HHATL: variants seen among roughly 807,000 people sequenced by gnomAD.
The protein encoded by HHATL is protein-cysteine N-palmitoyltransferase HHAT-like protein.
Under a neutral mutation model 59.7 loss-of-function variants are expected in HHATL, and 49 were observed. That is an observed-to-expected ratio of 0.82 (90% confidence interval 0.65 to 1.04). HHATL has a LOEUF of 1.04. Ranked by LOEUF, HHATL falls within the 50% of genes least tolerant of loss-of-function variation. HHATL has a pLI of 0.00. For missense variants in HHATL, 605 were observed against 650.8 expected (o/e 0.93, Z 0.77); for synonymous variants, 238 against 257.3 (o/e 0.93, Z 0.72).
At position 42,693,127 on chromosome 3, in the gene HHATL, A is replaced by G. The variant is rs763778428; in HGVS notation, c.1340T>C (p.Leu447Pro). 18 of 1,614,212 alleles carry G rather than the reference A, an allele frequency of 1.1e-5. No individual in the cohort carries two copies. The highest frequency in any genetic ancestry group is 3.3e-5 in the Admixed American group (2 of 60,036). The change falls in exon 11 of 12, where the codon CTG (leucine) becomes CCG (proline). Residue 447 changes from leucine (L) to proline (P), a missense_variant. Transcript: ENST00000441594. ...CAGCTCTGTGAATTTGAGGCTGTTC[A>G]GGCTCACAAGGTTGTACATGATGAT... is the stretch of plus-strand genomic sequence containing the variant. ...WAIIMYNLVS[L>P]NSLKFTELVA...
intron 2 of HHATL, among the ~76,000 whole-genome samples, 161 bp from the exon 3 acceptor site, chr3:42,699,986 G>C (rs1697864656): frequency 6.6e-6 from 1 of 152,166 alleles, no homozygotes; most frequent in Non-Finnish European, 1.5e-5. Context: ...GGGTCTCGCT[G>C]TGTGTCTGGG....
At chr3:42,694,282 ATCACCCACATCCAAGCAAGCC>A (rs989802312) in intron 9 of HHATL, 8 of 169,878 alleles carry the variant, frequency 4.7e-5, no homozygotes, top group Admixed American at 4.5e-4. Context: ...AGTTTGCCTC[ATCACCCACATCCAAGCAAGCC>A]AGCAAATTCT....
chr3:42,694,762 C>T (rs1697531445), intron 9 of HHATL, among the ~76,000 whole-genome samples: 1 of 152,218 alleles, frequency 6.6e-6, no homozygotes, highest in African/African-American at 2.4e-5. Context: ...ATCTCCTTAT[C>T]ACTCAAATCT....
intron 2 of HHATL, 77 bp from the exon 3 acceptor site, chr3:42,699,902 C>T: frequency 7.9e-7 from 1 of 1,268,430 alleles, no homozygotes. Flanking sequence ...CAAGGCTGCC[C>T]CACCCTGGGG....
intron 2 of HHATL, 53 bp downstream of exon 2, chr3:42,700,668 G>A (rs1697925819): frequency 1.6e-6 from 2 of 1,253,706 alleles, no homozygotes; most frequent in Non-Finnish European, 2.3e-6. Flanking sequence ...GGAACCCTGA[G>A]GCCTCCAGGG....
intron 5 of HHATL, 40 bp from the exon 6 acceptor site, chr3:42,698,391 C>T (rs777269417): frequency 6.3e-7 from 1 of 1,576,460 alleles, no homozygotes; most frequent in Non-Finnish European, 8.7e-7. Flanking sequence ...CACTAGGGTG[C>T]CTCCTGTCTC....
chr3:42,700,704 C>T lies in HHATL; in HGVS notation c.106+17G>A, dbSNP rs371968430. On this transcript the variant is annotated intron_variant, in intron 2 of 11. Coordinates refer to ENST00000441594, the MANE Select transcript of HHATL (RefSeq NM_020707.4). Reference sequence around the variant, plus strand: ...GAAGAAGGGTCCTGTCCACCTGCCCCGGGGCACAGCCATTACCTTGTGAAG... The same window carrying T: ...GAAGAAGGGTCCTGTCCACCTGCCCTGGGGCACAGCCATTACCTTGTGAAG... 3.6e-5 allele frequency: 56 copies of T among 1,575,554 alleles called. 1 individual carries two copies. The highest frequency in any genetic ancestry group is 3.2e-4 in the African/African-American group (24 of 74,052).
In HHATL at chr3:42,696,909, A is replaced by T. The variant is rs764521854; in HGVS notation, c.1011-32T>A. 5 of 1,614,024 alleles carry T rather than the reference A, an allele frequency of 3.1e-6. No individual in the cohort carries two copies. In the African/African-American group the frequency reaches 6.7e-5, roughly 22 times the overall value. On this transcript the variant is annotated intron_variant, in intron 8 of 11. Transcript: ENST00000441594. ...GAGGAAAGCAGATGGGCATGTTGCCATCAGGCGCAGAGCTCCCCAGGCATG... is the reference window on the plus strand; with the variant it reads ...GAGGAAAGCAGATGGGCATGTTGCCTTCAGGCGCAGAGCTCCCCAGGCATG...
chr3:42,696,825 A>G lies in HHATL; in HGVS notation c.1046+17T>C, dbSNP rs373291114. ...TGGCAGGATGGCTGTGACCACCCCC[A>G]CCCCACTCCTACTCACTTGCAAAGC... On this transcript the variant is annotated intron_variant, in intron 9 of 11. Transcript: ENST00000441594. 285 of 1,612,436 alleles carry G rather than the reference A, an allele frequency of 1.8e-4. No homozygotes were observed. Among genetic ancestry groups the G allele is most frequent in the Admixed American group, 4.7e-4 (28 of 59,934 alleles).
In HHATL at chr3:42,698,728, C is replaced by A; in HGVS notation, c.463G>T (p.Asp155Tyr). ...CACACCTGCCAAGAGATTAGGGGGT[C>A]CATCTTGAAGGAGGCCAGGCTGGCC... ...GLASLASFKM[D>Y]PLISWQSGFV... The change falls in exon 5 of 12, where the codon GAC becomes TAC. Residue 155 changes from aspartate to tyrosine, a missense_variant. By Grantham distance (160) the Asp-to-Tyr change is radical. Transcript: ENST00000441594. The A allele has an allele frequency of 6.3e-7, 1 of 1,581,164 alleles. No individual in the cohort carries two copies. Among genetic ancestry groups the A allele is most frequent in the Non-Finnish European group, 8.6e-7 (1 of 1,167,930 alleles).
intron 2 of HHATL, 100 bp downstream of exon 2, chr3:42,700,621 T>C (rs1165213668): frequency 4.2e-6 from 3 of 706,294 alleles, no homozygotes; most frequent in Non-Finnish European, 7.3e-6. Context: ...AGGAGTACCC[T>C]AGGTCTGGAG....
intron 1 of HHATL, among the ~76,000 whole-genome samples, chr3:42,702,272 G>C (rs538169500): frequency 2.0e-5 from 3 of 152,354 alleles, no homozygotes; most frequent in East Asian, 3.9e-4. Flanking sequence ...TGAAGAGCCC[G>C]TGAAATAGCT....
intron 7 of HHATL, 57 bp downstream of exon 7, chr3:42,697,451 G>T: frequency 6.4e-7 from 1 of 1,563,558 alleles, no homozygotes; most frequent in South Asian, 1.2e-5. Flanking sequence ...TGGGGGTGCA[G>T]AGGGTCTGTT....
chr3:42,697,598 T>TGA lies in HHATL; in HGVS notation c.773_774dup (p.Met259SerfsTer34). On this transcript the variant is annotated frameshift_variant, in exon 7 of 12. Coordinates refer to ENST00000441594, the MANE Select transcript of HHATL (RefSeq NM_020707.4). LOFTEE classifies it high-confidence loss of function. ...AAGTGAAAGAAGATGTCGACGGCCA[T>TGA]GATGGCCACCACGCTTAGGCCTGCC... 6.2e-7 allele frequency: 1 copy of TGA among 1,614,176 alleles called. No individual in the cohort carries two copies. Among genetic ancestry groups the TGA allele is most frequent in the African/African-American group, 1.3e-5 (1 of 75,064 alleles).
chr3:42,697,936 A>C (rs1011930129), intron 6 of HHATL, among the ~76,000 whole-genome samples: 1 of 152,044 alleles, frequency 6.6e-6, no homozygotes, highest in African/African-American at 2.4e-5. Context: ...GAGAAAAGAG[A>C]CATGTCTCCA....
Position 42,698,303 on chromosome 3 carries a change from C to CA in HHATL, c.531dup (p.Gly178TrpfsTer22). On this transcript the variant is annotated frameshift_variant, in exon 6 of 12. Coordinates refer to ENST00000441594, the MANE Select transcript of HHATL (RefSeq NM_020707.4). LOFTEE classifies it high-confidence loss of function. ...CGCAGCACTGTGAAGCTGCTGCCCCCATGAAACAGCACCTCTTGAAGATCA... is the reference window on the plus strand; with the variant it reads ...CGCAGCACTGTGAAGCTGCTGCCCCCAATGAAACAGCACCTCTTGAAGATCA... The CA allele has an allele frequency of 6.2e-7, 1 of 1,613,884 alleles. No homozygotes were observed. The highest frequency in any genetic ancestry group is 1.3e-5 in the African/African-American group (1 of 75,028).
At position 42,699,053 on chromosome 3, in the gene HHATL, G is replaced by A. The variant is rs764526572; in HGVS notation, c.267C>T (p.Leu89=). The A allele has an allele frequency of 6.2e-7, 1 of 1,614,202 alleles. No homozygotes were observed. Among genetic ancestry groups the A allele is most frequent in the Non-Finnish European group, 8.5e-7 (1 of 1,180,016 alleles). The change falls in exon 4 of 12, where the codon CTC becomes CTT. Residue 89 remains leucine (L), a synonymous_variant. Coordinates refer to ENST00000441594, the MANE Select transcript of HHATL (RefSeq NM_020707.4). ...ALSGHVLFAK[L]CTMVAPKLRS... Reference sequence around the variant, plus strand: ...TCACCTTTGGGGCAACCATCGTGCAGAGTTTAGCAAACAGCACATGTCCGG... The same window carrying A: ...TCACCTTTGGGGCAACCATCGTGCAAAGTTTAGCAAACAGCACATGTCCGG...
intron 9 of HHATL, chr3:42,694,159 T>C (rs566336342): frequency 3.3e-6 from 1 of 303,208 alleles, no homozygotes; most frequent in Admixed American, 4.4e-5. Flanking sequence ...TGTCACTTGA[T>C]TGACAGATTC....
Position 42,699,771 on chromosome 3 carries a change from A to G in HHATL, c.161T>C (p.Ile54Thr), listed in dbSNP as rs572960980. 5.7e-6 allele frequency: 9 copies of G among 1,580,620 alleles called. No homozygotes were observed. The highest frequency in any genetic ancestry group is 3.5e-5 in the South Asian group (3 of 86,200). The stretch of plus-strand genomic sequence containing the variant: ...TGGGGGACCTACCATCTTCCGGCCA[A>G]TGTACTCCCAGCCAGGTCGCACAGA... ...RESVRPGWEY[I>T]GRKMDVADFE... is the part of the protein sequence containing the mutation. The change falls in exon 3 of 12, where the codon ATT becomes ACT. Residue 54 changes from isoleucine (I) to threonine (T), a missense_variant. Ile to Thr is a moderately conservative substitution (Grantham distance 89, BLOSUM62 -1). Transcript: ENST00000441594.
Sources: allele counts gnomAD v4.1 joint callset (sites outside exome capture counted in the v4.1 genomes callset), GRCh38; gene constraint gnomAD v4.1.1; transcripts MANE v1.5; gene names NCBI Gene and HGNC (gene_info 2026-07-23, HGNC 2026-07-21).